Variants in PPP2R5A observed in about 807,000 individuals in gnomAD.
The protein encoded by PPP2R5A is protein phosphatase 2 regulatory subunit B'alpha.
PPP2R5A carries 25 observed loss-of-function variants against 64.2 expected under a neutral mutation model. That is an observed-to-expected ratio of 0.39 (90% CI 0.28 to 0.54). The LOEUF is 0.54. Ranked by LOEUF, PPP2R5A falls within the 20% of genes least tolerant of loss-of-function variation. PPP2R5A has a pLI of 0.67. For synonymous variants in PPP2R5A, 198 were observed against 201.2 expected (o/e 0.98, Z 0.13); for missense variants, 425 against 576.3 (o/e 0.74, Z 2.69).
At chr1:212,306,311 A>C (rs1245733035) in intron 1 of PPP2R5A, among the ~76,000 whole-genome samples, 3 of 151,640 alleles carry the variant, frequency 2.0e-5, no homozygotes, top group Non-Finnish European at 4.4e-5. Flanking sequence ...GTGCCTGGGC[A>C]TTTAACAAAG....
chr1:212,352,806 AG>A, intron 8 of PPP2R5A: 2 of 519,004 alleles, frequency 3.9e-6, no homozygotes, highest in Non-Finnish European at 7.7e-6. Context: ...GGCTTAAAAT[AG>A]CAAGCATTTA....
chr1:212,304,705 G>A (rs2492748), intron 1 of PPP2R5A, among the ~76,000 whole-genome samples: 4,249 of 150,848 alleles, frequency 0.028, 215 homozygotes, highest in African/African-American at 0.096. Context: ...TGAGCTTACA[G>A]GTACATGCTA....
At chr1:212,336,129 T>A (rs901348470) in intron 3 of PPP2R5A, among the ~76,000 whole-genome samples, 3 of 152,156 alleles carry the variant, frequency 2.0e-5, no homozygotes, top group African/African-American at 7.2e-5. Context: ...ATGTATTTAT[T>A]TTTGAGATGG....
chr1:212,291,079 C>G (rs1658594261), intron 1 of PPP2R5A, among the ~76,000 whole-genome samples: 1 of 151,818 alleles, frequency 6.6e-6, no homozygotes, highest in Admixed American at 6.6e-5. Flanking sequence ...GTTCCCAATC[C>G]TGGCTATACT....
intron 1 of PPP2R5A, among the ~76,000 whole-genome samples, chr1:212,320,791 T>G (rs61828727): frequency 5.6e-3 from 291 of 51,838 alleles, no homozygotes; most frequent in Middle Eastern, 0.019. Context: ...TCCCGGATGG[T>G]GCGGCTGGCC....
At chr1:212,299,873 T>C (rs1436196695) in intron 1 of PPP2R5A, among the ~76,000 whole-genome samples, 4 of 151,736 alleles carry the variant, frequency 2.6e-5, no homozygotes, top group African/African-American at 9.7e-5. Context: ...AGTACAGTGG[T>C]ATGATCTCTG....
At chr1:212,307,096 G>A (rs1658929487) in intron 1 of PPP2R5A, among the ~76,000 whole-genome samples, 1 of 152,086 alleles carries the variant, frequency 6.6e-6, no homozygotes, top group Non-Finnish European at 1.5e-5. Flanking sequence ...TGTTCATATA[G>A]TTGGATTTAT....
intron 1 of PPP2R5A, chr1:212,297,590 A>G (rs537249766): frequency 6.6e-6 from 1 of 152,316 alleles, no homozygotes; most frequent in African/African-American, 2.4e-5. Context: ...GTCTTAGGCT[A>G]TAGGTGCTGG....
intron 1 of PPP2R5A, among the ~76,000 whole-genome samples, chr1:212,305,555 T>A (rs1658883731): frequency 6.6e-6 from 1 of 152,126 alleles, no homozygotes; most frequent in African/African-American, 2.4e-5. Flanking sequence ...TAGACACCTC[T>A]TAGGTGTGGT....
intron 1 of PPP2R5A, among the ~76,000 whole-genome samples, chr1:212,322,285 G>A (rs1297610249): frequency 8.3e-6 from 1 of 120,082 alleles, no homozygotes; most frequent in Admixed American, 8.4e-5. Context: ...GGAGAGGAGG[G>A]AGAGGGAGAG....
chr1:212,289,201 T>C (rs1033864411), intron 1 of PPP2R5A, among the ~76,000 whole-genome samples: 1 of 152,334 alleles, frequency 6.6e-6, no homozygotes, highest in South Asian at 2.1e-4. Context: ...ACCTTAAAAA[T>C]TTTCTTAAAT....
Position 212,329,155 on chromosome 1 carries a change from C to A in PPP2R5A, c.202C>A (p.Gln68Lys). The A allele has an allele frequency of 6.5e-7, 1 of 1,527,302 alleles. No individual in the cohort carries two copies. Among genetic ancestry groups the A allele is most frequent in the South Asian group, 1.3e-5 (1 of 75,130 alleles). The allele number at this position is 1,527,302 out of a possible 1,614,324, so 94.6% of individuals were successfully genotyped here. Residue 68 changes from glutamine (Q) to lysine (K), a missense_variant, in exon 2 of 13, where the codon CAA (glutamine) becomes AAA (lysine). Physicochemically the swap from Gln to Lys is moderately conservative, Grantham distance 53. This residue lies in a region of PPP2R5A where 104 missense variants were observed against 95.7 expected (regional missense o/e 1.09). Coordinates refer to ENST00000261461, the MANE Select transcript of PPP2R5A (RefSeq NM_006243.4). ...TATAGATGCCACTTCAAATGAACAACAAGAGCTTTTCTGTCAGAAGTTGCA... is the reference window on the plus strand; with the variant it reads ...TATAGATGCCACTTCAAATGAACAAAAAGAGCTTTTCTGTCAGAAGTTGCA... ...QLKDATSNEQ[Q>K]ELFCQKLQQC...
Position 212,342,236 on chromosome 1 carries a change from C to T in PPP2R5A, c.529C>T (p.Pro177Ser). ...ATTTTTGGAGAGCCCTGATTTCCAG[C>T]CTAGCATTGCAAAACGATACATTGA... ...LRFLESPDFQPSIAKRYIDQK... is the reference protein window; with the variant it reads ...LRFLESPDFQSSIAKRYIDQK... The change falls in exon 4 of 13, where the codon CCT becomes TCT. Residue 177 changes from proline (P) to serine (S), a missense_variant. Physicochemically the swap from Pro to Ser is moderately conservative, Grantham distance 74. Coordinates refer to ENST00000261461, the MANE Select transcript of PPP2R5A (RefSeq NM_006243.4). 6.2e-7 allele frequency: 1 copy of T among 1,613,618 alleles called. No individual in the cohort carries two copies. Among genetic ancestry groups the T allele is most frequent in the East Asian group, 2.2e-5 (1 of 44,798 alleles).
At chr1:212,329,094 G>A (rs775712007) in intron 1 of PPP2R5A, 41 bp from the exon 2 acceptor site, 3 of 1,344,342 alleles carry the variant, frequency 2.2e-6, no homozygotes, top group South Asian at 1.8e-5. Flanking sequence ...AGTAACTTCT[G>A]AGTAGGTTAT....
At chr1:212,338,186 G>T (rs568973029) in intron 3 of PPP2R5A, among the ~76,000 whole-genome samples, 1 of 152,148 alleles carries the variant, frequency 6.6e-6, no homozygotes, top group Non-Finnish European at 1.5e-5. Context: ...TAATGGTGAA[G>T]ACCAGAATTC....
chr1:212,356,347 A>G (rs540065991), intron 8 of PPP2R5A, among the ~76,000 whole-genome samples: 101 of 152,314 alleles, frequency 6.6e-4, no homozygotes, highest in Middle Eastern at 6.8e-3. Flanking sequence ...GTCTTCCTCC[A>G]TTAGAACGTA....
chr1:212,295,922 G>T (rs761422813), intron 1 of PPP2R5A, among the ~76,000 whole-genome samples: 2 of 152,128 alleles, frequency 1.3e-5, no homozygotes, highest in Non-Finnish European at 2.9e-5. Flanking sequence ...AGAAAGTTTG[G>T]CAGTTAAAAA....
At chr1:212,321,498 C>T (rs575954572) in intron 1 of PPP2R5A, among the ~76,000 whole-genome samples, 12,279 of 146,984 alleles carry the variant, frequency 0.084, 1,614 homozygotes, top group African/African-American at 0.3. Flanking sequence ...GGAGGGGCTC[C>T]TCACTTCTCA....
intron 3 of PPP2R5A, among the ~76,000 whole-genome samples, chr1:212,336,353 G>A (rs1659594142): frequency 6.6e-6 from 1 of 152,062 alleles, no homozygotes; most frequent in Non-Finnish European, 1.5e-5. Context: ...GACCTCAAGT[G>A]ATCCATCCAC....
Sources: allele counts gnomAD v4.1 joint callset (sites outside exome capture counted in the v4.1 genomes callset), GRCh38; gene constraint gnomAD v4.1.1; regional missense constraint gnomAD v4.1.1; transcripts MANE v1.5; gene names NCBI Gene and HGNC (gene_info 2026-07-23, HGNC 2026-07-21).